The following CATSPER4 variants were observed in gnomAD, a reference collection of about 807,000 sequenced individuals.
CATSPER4 encodes the protein cation channel sperm-associated protein 4.
In CATSPER4, 46 loss-of-function variants were observed where a neutral mutation model predicts 54.4. The ratio of observed to expected loss-of-function variants is 0.84; its 90% CI spans 0.67 to 1.08. The LOEUF is 1.08. CATSPER4 is among the 50% of genes least tolerant of loss of function. CATSPER4 has a pLI of 0.00. For synonymous variants in CATSPER4, 230 were observed against 231.9 expected, an observed-to-expected ratio of 0.99 and a Z score of 0.08; for missense variants, 574 against 612.8, an observed-to-expected ratio of 0.94 and a Z score of 0.67.
In CATSPER4 at chr1:26,197,945, G is replaced by C. The variant is rs992261517; in HGVS notation, c.558-12G>C. On this transcript the variant is annotated splice_polypyrimidine_tract_variant and intron_variant, in intron 4 of 9. Transcript: ENST00000456354. ...AAGGGCCTAGGGGCACCCCTGACAG[G>C]CTCTGCCACAGGGCGCTTCGTCTGG... 28 of 1,612,570 alleles carry C rather than the reference G, an allele frequency of 1.7e-5. No individual in the cohort carries two copies. In the African/African-American group the frequency reaches 3.6e-4, roughly 21 times the overall value.
rs1344209789 is a variant in CATSPER4, at chr1:26,190,602, G to A, written c.-26G>A. 4 of 1,589,960 alleles carry A rather than the reference G, an allele frequency of 2.5e-6. No homozygotes were observed. Among genetic ancestry groups the A allele is most frequent in the Non-Finnish European group, 3.4e-6 (4 of 1,175,342 alleles). ...AGACCACTTGGAGTGAAGATTCTTT[G>A]AGGAGAAGGAAGAGACTGAGCAAAC... On this transcript the variant is annotated 5_prime_UTR_variant, in exon 1 of 10. Transcript: ENST00000456354.
intron 2 of CATSPER4, among the ~76,000 whole-genome samples, chr1:26,193,033 C>T (rs754607144): frequency 4.0e-5 from 6 of 150,554 alleles, no homozygotes; most frequent in East Asian, 1.9e-4. Flanking sequence ...ACCCAGGAGG[C>T]GGAGTTTGCA....
In CATSPER4 at chr1:26,200,070, G is replaced by A; in HGVS notation, c.987+12G>A. The A allele has an allele frequency of 1.2e-6, 2 of 1,611,054 alleles. No homozygotes were observed. Among genetic ancestry groups the A allele is most frequent in the Non-Finnish European group, 1.7e-6 (2 of 1,178,384 alleles). On this transcript the variant is annotated intron_variant, in intron 7 of 9. Transcript: ENST00000456354. ...TAACCTTTAGTGAGGTGCGTGGGAT[G>A]GGGAGGGCAGAAGGGAGGAAAAGGA...
At chr1:26,201,690 C>CATTT in intron 9 of CATSPER4, 171 bp downstream of exon 9, 1 of 395,790 alleles carries the variant, frequency 2.5e-6, no homozygotes, top group Non-Finnish European at 4.5e-6. Context: ...TCTTTCTTTC[C>CATTT]TTTTTTTTTT....
At chr1:26,202,059 C>T (rs1279309701) in intron 9 of CATSPER4, among the ~76,000 whole-genome samples, 2 of 152,148 alleles carry the variant, frequency 1.3e-5, no homozygotes, top group African/African-American at 4.8e-5. Flanking sequence ...CTTTCCTTCT[C>T]GGAAAGGCTC....
intron 2 of CATSPER4, among the ~76,000 whole-genome samples, chr1:26,193,518 CA>C (rs2088894741): frequency 1.3e-5 from 2 of 152,198 alleles, no homozygotes; most frequent in Admixed American, 6.5e-5. Flanking sequence ...ACACAGGCGC[CA>C]CTCTGATTCC....
chr1:26,195,071 G>A (rs1485495947), intron 3 of CATSPER4, among the ~76,000 whole-genome samples: 1 of 152,164 alleles, frequency 6.6e-6, no homozygotes, highest in Non-Finnish European at 1.5e-5. Flanking sequence ...GCGACAGAGA[G>A]AGATTCTGTT....
intron 3 of CATSPER4, among the ~76,000 whole-genome samples, chr1:26,195,502 TTTTC>T (rs1201936815): frequency 2.4e-5 from 1 of 42,002 alleles, no homozygotes. Context: ...TTCTTTTTCT[TTTTC>T]TTTTTTTTTT....
At chr1:26,196,086 A>G (rs1005731149) in intron 3 of CATSPER4, among the ~76,000 whole-genome samples, 1 of 151,228 alleles carries the variant, frequency 6.6e-6, no homozygotes, top group African/African-American at 2.4e-5. Context: ...CACTGAATGG[A>G]TCCTGACAAT....
intron 3 of CATSPER4, 33 bp downstream of exon 3, chr1:26,193,921 C>T (rs1026459388): frequency 6.8e-7 from 1 of 1,461,530 alleles, no homozygotes; most frequent in Non-Finnish European, 9.6e-7. Flanking sequence ...CCTACTTCCC[C>T]CTGGGGACTG....
In CATSPER4 at chr1:26,202,455, T is replaced by G. The variant is rs771470968; in HGVS notation, c.1366-34T>G. On this transcript the variant is annotated intron_variant, in intron 9 of 9. Transcript: ENST00000456354. The stretch of plus-strand genomic sequence containing the variant: ...ACGGAGGCTGCCATATCGGGGGGAG[T>G]GGGGGATTAACAAGAAGACCTCTTG... The G allele has an allele frequency of 8.2e-6, 13 of 1,592,188 alleles. No homozygotes were observed. In the African/African-American group the frequency reaches 1.4e-4, roughly 17 times the overall value.
intron 2 of CATSPER4, among the ~76,000 whole-genome samples, chr1:26,193,214 A>G (rs904312373): frequency 6.6e-6 from 1 of 151,820 alleles, no homozygotes; most frequent in Non-Finnish European, 1.5e-5. Flanking sequence ...CTCTGGACAG[A>G]CCCCAGTCAC....
chr1:26,197,972 G>T lies in CATSPER4; in HGVS notation c.573G>T (p.Val191=). 6.2e-7 allele frequency: 1 copy of T among 1,613,536 alleles called. No homozygotes were observed. ...INYTLRALRL[V]HVCMAVEPLA... Reference sequence around the variant, plus strand: ...TCTGCCACAGGGCGCTTCGTCTGGTGCATGTGTGCATGGCGGTGGAGCCCC... The same window carrying T: ...TCTGCCACAGGGCGCTTCGTCTGGTTCATGTGTGCATGGCGGTGGAGCCCC... Residue 191 remains valine, a synonymous_variant, in exon 5 of 10, where the codon GTG becomes GTT. Transcript: ENST00000456354.
intron 2 of CATSPER4, among the ~76,000 whole-genome samples, chr1:26,191,853 G>GT (rs1386439294): frequency 1.3e-5 from 2 of 152,148 alleles, no homozygotes; most frequent in African/African-American, 4.8e-5. Flanking sequence ...AAGTGCTCAA[G>GT]TAGCACCCAG....
In CATSPER4 at chr1:26,202,592, C is replaced by A; in HGVS notation, c.*50C>A. 6.5e-7 allele frequency: 1 copy of A among 1,532,734 alleles called. No individual in the cohort carries two copies. The highest frequency in any genetic ancestry group is 9.0e-7 in the Non-Finnish European group (1 of 1,115,766). 94.9% of individuals were successfully genotyped at this position (1,532,734 alleles called of 1,614,324 possible). On this transcript the variant is annotated 3_prime_UTR_variant, in exon 10 of 10. Transcript: ENST00000456354. Reference sequence around the variant, plus strand: ...CCTGCACACACACACCCAGCCGCTGCGTCTTCCTGTGTCCTTAGTGTGGCT... The same window carrying A: ...CCTGCACACACACACCCAGCCGCTGAGTCTTCCTGTGTCCTTAGTGTGGCT...
At chr1:26,191,196 C>A in intron 1 of CATSPER4, 91 bp from the exon 2 acceptor site, 2 of 1,489,358 alleles carry the variant, frequency 1.3e-6, no homozygotes, top group South Asian at 1.2e-5. Context: ...CTAGAGTGGG[C>A]CCCAGGAACC....
chr1:26,192,155 TCTCA>T (rs2088877867), intron 2 of CATSPER4, among the ~76,000 whole-genome samples: 1 of 149,586 alleles, frequency 6.7e-6, no homozygotes, highest in African/African-American at 2.5e-5. Context: ...AGAGACAAGG[TCTCA>T]CTCTGTCACC....
chr1:26,198,243 G>C (rs2088965837), intron 5 of CATSPER4, 43 bp from the exon 6 acceptor site: 4 of 1,614,088 alleles, frequency 2.5e-6, no homozygotes, highest in Non-Finnish European at 1.7e-6. Context: ...CTATTTCCAG[G>C]CCCTTTGGTG....
rs201122868 is a variant in CATSPER4, at chr1:26,201,379, C to G, written c.1225C>G (p.Arg409Gly). Reference protein sequence around the residue: ...NMIVEEVRAIRFNQEQESEVL... With the variant: ...NMIVEEVRAIGFNQEQESEVL... Reference sequence around the variant, plus strand: ...GATTGTGGAGGAGGTGCGCGCAATCCGCTTCAACCAGGAGCAGGAGTCAGA... The same window carrying G: ...GATTGTGGAGGAGGTGCGCGCAATCGGCTTCAACCAGGAGCAGGAGTCAGA... Residue 409 changes from arginine to glycine, a missense_variant, in exon 9 of 10, where the codon CGC becomes GGC. Coordinates refer to ENST00000456354, the MANE Select transcript of CATSPER4 (RefSeq NM_198137.2). 39 of 1,614,006 alleles carry G rather than the reference C, an allele frequency of 2.4e-5. No individual in the cohort carries two copies. The highest frequency in any genetic ancestry group is 3.3e-5 in the Non-Finnish European group (39 of 1,180,024).
Sources: gnomAD v4.1 joint callset for allele counts (sites outside exome capture counted in the v4.1 genomes callset) on GRCh38, gnomAD v4.1.1 for gene constraint, MANE v1.5 for transcripts, NCBI Gene and HGNC (gene_info 2026-07-23, HGNC 2026-07-21) for gene names.